The following NAA35 variants were observed in gnomAD, a reference collection of about 807,000 sequenced individuals.
NAA35 encodes N-alpha-acetyltransferase 35, NatC auxiliary subunit.
A neutral mutation model predicts 101.7 loss-of-function variants in NAA35; 18 were observed. The ratio of observed to expected loss-of-function variants is 0.18; its 90% CI spans 0.12 to 0.26. The LOEUF is 0.26. NAA35 is among the 10% of genes least tolerant of loss of function. The pLI is 1.00. For missense variants in NAA35, 601 were observed against 886.8 expected (o/e 0.68, Z 4.09); for synonymous variants, 267 against 273.1 (o/e 0.98, Z 0.22).
chr9:86,009,325 A>C (rs576657161), intron 14 of NAA35, among the ~76,000 whole-genome samples: 2 of 152,228 alleles, frequency 1.3e-5, no homozygotes, highest in African/African-American at 4.8e-5. Flanking sequence ...TGCTGGGTGC[A>C]CTGTCTTTGC....
In NAA35 at chr9:85,996,459, T is replaced by A; in HGVS notation, c.938T>A (p.Phe313Tyr). 6.2e-7 allele frequency: 1 copy of A among 1,610,548 alleles called. No homozygotes were observed. Among genetic ancestry groups the A allele is most frequent in the Non-Finnish European group, 8.5e-7 (1 of 1,178,582 alleles). ...LVNQRLLPPT[F>Y]PRYAKIIKRE... ...AACCAGAGGCTACTTCCACCTACCT[T>A]CCCTCGATATGCAAAAATAATTAAA... Residue 313 changes from phenylalanine (F) to tyrosine (Y), a missense_variant, in exon 12 of 23, where the codon TTC becomes TAC. Phe to Tyr is a conservative substitution (Grantham distance 22). This residue lies in a region of NAA35 where 190 missense variants were observed against 223.1 expected (regional missense o/e 0.85). Coordinates refer to ENST00000361671, the MANE Select transcript of NAA35 (RefSeq NM_024635.4).
chr9:85,997,638 CG>C (rs1831222077), intron 12 of NAA35, among the ~76,000 whole-genome samples: 1 of 151,914 alleles, frequency 6.6e-6, no homozygotes, highest in Non-Finnish European at 1.5e-5. Flanking sequence ...TCACTGCACC[CG>C]GTCAATTTTT....
chr9:86,021,818 C>A, intron 22 of NAA35, 83 bp from the exon 23 acceptor site: 1 of 1,152,850 alleles, frequency 8.7e-7, no homozygotes, highest in Non-Finnish European at 1.2e-6. Context: ...ACACAAGAAA[C>A]TCTAAAATAA....
In NAA35 at chr9:85,962,193, A is replaced by C. The variant is rs747416162; in HGVS notation, c.516+13A>C. On this transcript the variant is annotated intron_variant, in intron 6 of 22. Coordinates refer to ENST00000361671, the MANE Select transcript of NAA35 (RefSeq NM_024635.4). ...TGTTTTTGAAGAGGTAAGATTTCGTAATGTAAGAAATCCTTGGCCAGGTGC... is the reference window on the plus strand; with the variant it reads ...TGTTTTTGAAGAGGTAAGATTTCGTCATGTAAGAAATCCTTGGCCAGGTGC... The C allele has an allele frequency of 6.2e-6, 10 of 1,611,534 alleles. No individual in the cohort carries two copies. In the East Asian group the frequency reaches 2.2e-4, roughly 36 times the overall value.
At chr9:85,996,641 G>A in intron 12 of NAA35, 64 bp downstream of exon 12, 1 of 1,246,048 alleles carries the variant, frequency 8.0e-7, no homozygotes, top group Non-Finnish European at 1.1e-6. Flanking sequence ...CATAATAATT[G>A]TACATATTTA....
At chr9:85,959,059 A>G (rs1009838586) in intron 4 of NAA35, among the ~76,000 whole-genome samples, 4 of 152,136 alleles carry the variant, frequency 2.6e-5, no homozygotes, top group Admixed American at 1.3e-4. Flanking sequence ...TAGTTAACCA[A>G]CTTAAGTGAA....
intron 5 of NAA35, 128 bp downstream of exon 5, chr9:85,959,995 A>G (rs1489600567): frequency 5.0e-6 from 3 of 600,228 alleles, no homozygotes; most frequent in Non-Finnish European, 8.5e-6. Flanking sequence ...AAAGATGTGC[A>G]TAAGATTAAC....
intron 6 of NAA35, among the ~76,000 whole-genome samples, chr9:85,969,580 A>G (rs1337223978): frequency 3.9e-5 from 6 of 152,182 alleles, no homozygotes; most frequent in South Asian, 2.1e-4. Context: ...TGTTAAATCT[A>G]TCATTTCTTA....
chr9:85,977,459 A>G lies in NAA35; in HGVS notation c.762+13A>G. 6.5e-7 allele frequency: 1 copy of G among 1,548,186 alleles called. No individual in the cohort carries two copies. On this transcript the variant is annotated intron_variant, in intron 10 of 22. Coordinates refer to ENST00000361671, the MANE Select transcript of NAA35 (RefSeq NM_024635.4). Reference sequence around the variant, plus strand: ...TACTAAGAAAGAGGTAAGGGCATTCAATATAATATGTCTATTTGTTTTAGT... The same window carrying G: ...TACTAAGAAAGAGGTAAGGGCATTCGATATAATATGTCTATTTGTTTTAGT...
chr9:85,947,167 C>T (rs1028788246), intron 2 of NAA35, among the ~76,000 whole-genome samples: 1 of 151,932 alleles, frequency 6.6e-6, no homozygotes, highest in African/African-American at 2.4e-5. Flanking sequence ...GAACCACAAG[C>T]GTGGACACTG....
chr9:85,968,644 T>TA (rs1829864707), intron 6 of NAA35, among the ~76,000 whole-genome samples: 1 of 152,178 alleles, frequency 6.6e-6, no homozygotes, highest in African/African-American at 2.4e-5. Context: ...CTTTTTTTTT[T>TA]ACTGTTCCAT....
rs1832509379 is a variant in NAA35, at chr9:86,020,878, T to TC, written c.2038-10dup. On this transcript the variant is annotated splice_polypyrimidine_tract_variant and intron_variant, in intron 21 of 22. Coordinates refer to ENST00000361671, the MANE Select transcript of NAA35 (RefSeq NM_024635.4). ...AGTTAATGTTTCAGTAGTTTTATGT[T>TC]CATGTTTCAGGTTAATAGAATTTTA... 1.3e-6 allele frequency: 2 copies of TC among 1,599,814 alleles called. No homozygotes were observed. The highest frequency in any genetic ancestry group is 1.7e-6 in the Non-Finnish European group (2 of 1,170,042).
intron 11 of NAA35, among the ~76,000 whole-genome samples, chr9:85,987,679 A>T (rs1830711047): frequency 1.3e-5 from 2 of 152,234 alleles, no homozygotes; most frequent in South Asian, 4.1e-4. Context: ...AAAACCAGCC[A>T]AAATCTGTAA....
chr9:85,967,485 G>A (rs1051308807), intron 6 of NAA35, among the ~76,000 whole-genome samples: 1 of 152,038 alleles, frequency 6.6e-6, no homozygotes, highest in African/African-American at 2.4e-5. Flanking sequence ...TACGAATCTA[G>A]TAAAGTCCTC....
Position 85,956,355 on chromosome 9 carries a change from T to G in NAA35, c.125-5T>G. 1 of 1,385,124 alleles carries G rather than the reference T, an allele frequency of 7.2e-7. No homozygotes were observed. The highest frequency in any genetic ancestry group is 9.8e-7 in the Non-Finnish European group (1 of 1,017,302). 85.8% of individuals were successfully genotyped at this position (1,385,124 alleles called of 1,614,324 possible). A position where few individuals can be genotyped will look rare whatever the true frequency, so the allele number is the denominator to read the frequency against. On this transcript the variant is annotated splice_polypyrimidine_tract_variant and splice_region_variant and intron_variant, in intron 2 of 22. Coordinates refer to ENST00000361671, the MANE Select transcript of NAA35 (RefSeq NM_024635.4). ...TTCAAAGGGTTTTTCTCTTTTTTTT[T>G]TTAGAATTAAAGTTGGGAGAACTAC...
rs920522806 is a variant in NAA35 at position 86,021,098 on chromosome 9, TCAG to T, written c.2118+135_2118+137del. The T allele has an allele frequency of 2.4e-5, 15 of 627,598 alleles. No individual in the cohort carries two copies. In the South Asian group the frequency reaches 3.4e-4, roughly 14 times the overall value. 38.9% of individuals were successfully genotyped at this position (627,598 alleles called of 1,614,324 possible). On this transcript the variant is annotated intron_variant, in intron 22 of 22. Transcript: ENST00000361671. ...CAAAAATCATTCTAAAAATTTTAGT[TCAG>T]CAGCAAAAAATTAGAGCTTGCCATT...
At chr9:85,975,245 C>T (rs972797243) in intron 8 of NAA35, 88 bp downstream of exon 8, 1 of 1,309,106 alleles carries the variant, frequency 7.6e-7, no homozygotes, top group South Asian at 1.3e-5. Context: ...GTAGAACCAC[C>T]TTTCTCCTGT....
At chr9:86,013,195 G>T (rs777684013) in intron 16 of NAA35, 51 bp downstream of exon 16, 17 of 1,147,254 alleles carry the variant, frequency 1.5e-5, no homozygotes, top group Non-Finnish European at 5.1e-6. Flanking sequence ...CACACACTTT[G>T]TCCAGATTTT....
Position 86,023,165 on chromosome 9 carries a change from C to T in NAA35, c.*1205C>T, listed in dbSNP as rs918088987. ...CAGCTAATGAGCCCTCTTGGCTCTCCTTTCCAAGAGCGGTAATACTTGTGT... is the reference window on the plus strand; with the variant it reads ...CAGCTAATGAGCCCTCTTGGCTCTCTTTTCCAAGAGCGGTAATACTTGTGT... On this transcript the variant is annotated 3_prime_UTR_variant, in exon 23 of 23. Coordinates refer to ENST00000361671, the MANE Select transcript of NAA35 (RefSeq NM_024635.4). 6.6e-6 allele frequency among the ~76,000 whole-genome samples: 1 copy of T among 152,098 alleles called. No individual in the cohort carries two copies.
Sources: allele counts gnomAD v4.1 joint callset (sites outside exome capture counted in the v4.1 genomes callset), GRCh38; gene constraint gnomAD v4.1.1; regional missense constraint gnomAD v4.1.1; transcripts MANE v1.5; gene names NCBI Gene and HGNC (gene_info 2026-07-23, HGNC 2026-07-21).